Variants in ADAM12 observed in about 807,000 individuals in gnomAD.
The protein encoded by ADAM12 is disintegrin and metalloproteinase domain-containing protein 12.
Under a neutral mutation model 106.4 loss-of-function variants are expected in ADAM12, and 70 were observed. The ratio of observed to expected loss-of-function variants is 0.66; its 90% confidence interval spans 0.54 to 0.80. The LOEUF is 0.80. Ranked by LOEUF, ADAM12 falls within the 30% of genes least tolerant of loss-of-function variation. The pLI, the probability that ADAM12 is intolerant of heterozygous loss-of-function variation, is 0.00. For missense variants in ADAM12, 1,010 were observed against 1,171.9 expected, an observed-to-expected ratio of 0.86 and a Z score of 2.02; for synonymous variants, 420 against 433.5, an observed-to-expected ratio of 0.97 and a Z score of 0.39.
intron 6 of ADAM12, among the ~76,000 whole-genome samples, chr10:126,110,889 T>A (rs527710439): frequency 2.8e-4 from 43 of 152,334 alleles, no homozygotes; most frequent in African/African-American, 1.0e-3. Context: ...TGGTCTTTGG[T>A]CCTGATGACT....
intron 1 of ADAM12, among the ~76,000 whole-genome samples, chr10:126,342,450 T>C (rs142167183): frequency 0.01 from 1,532 of 152,346 alleles, 26 homozygotes; most frequent in African/African-American, 0.035. Flanking sequence ...ATTAGGCATA[T>C]AGATTGACCC....
intron 11 of ADAM12, among the ~76,000 whole-genome samples, chr10:126,078,050 A>G (rs2133518204): frequency 6.6e-6 from 1 of 152,342 alleles, no homozygotes; most frequent in East Asian, 1.9e-4. Context: ...TGGTAACACC[A>G]TCTTAATCCA....
At chr10:126,255,455 C>T (rs1424586675) in intron 3 of ADAM12, among the ~76,000 whole-genome samples, 2 of 152,172 alleles carry the variant, frequency 1.3e-5, no homozygotes, top group Admixed American at 1.3e-4. Flanking sequence ...TAGAACGCAG[C>T]CCCTTCATGG....
At chr10:126,254,182 G>A (rs1222349045) in intron 3 of ADAM12, among the ~76,000 whole-genome samples, 4 of 152,148 alleles carry the variant, frequency 2.6e-5, no homozygotes, top group Admixed American at 1.3e-4. Context: ...TGTAGCTTGG[G>A]GTCTGCAGGC....
chr10:126,068,037 T>C (rs1954908126), intron 12 of ADAM12, among the ~76,000 whole-genome samples: 1 of 152,186 alleles, frequency 6.6e-6, no homozygotes, highest in Admixed American at 6.5e-5. Flanking sequence ...CTTCCAAAGT[T>C]ATTAAATTTT....
At chr10:126,377,521 C>T (rs1441759554) in intron 1 of ADAM12, among the ~76,000 whole-genome samples, 2 of 152,072 alleles carry the variant, frequency 1.3e-5, no homozygotes, top group Admixed American at 6.5e-5. Context: ...TTAGATGAAG[C>T]CCATCCAGAT....
rs577325830 is a variant in ADAM12 at position 126,368,363 on chromosome 10, T to G, written c.88+19695A>C. ...GCTTAGATTGTGTGATTTGTTTTTT[T>G]TTTTTTTTTTTTTACAAAGGACTGA... On this transcript the variant is annotated intron_variant, in intron 1 of 22. Transcript: ENST00000448723. Among the ~76,000 whole-genome samples, 351 of 151,162 alleles carry G rather than the reference T, an allele frequency of 2.3e-3. 4 individuals carry two copies. The highest frequency in any genetic ancestry group is 8.1e-3 in the African/African-American group (335 of 41,340).
At chr10:126,086,680 A>AAAAAAT (rs1554966976) in intron 11 of ADAM12, among the ~76,000 whole-genome samples, 2 of 24,274 alleles carry the variant, frequency 8.2e-5, no homozygotes, top group Non-Finnish European at 1.2e-4. Context: ...AAAAAAAAAA[A>AAAAAAT]ATATATATAT....
chr10:126,124,605 A>G (rs1362528683), intron 5 of ADAM12, among the ~76,000 whole-genome samples: 1 of 152,112 alleles, frequency 6.6e-6, no homozygotes, highest in East Asian at 1.9e-4. Flanking sequence ...AATAGTTATT[A>G]CCAAGGGCTG....
chr10:126,178,044 C>T (rs1197328887), intron 3 of ADAM12, among the ~76,000 whole-genome samples: 4 of 152,026 alleles, frequency 2.6e-5, no homozygotes, highest in South Asian at 2.1e-4. Flanking sequence ...AAACAGTAAC[C>T]GGGAAAGTTT....
At position 126,373,562 on chromosome 10, in the gene ADAM12, G is replaced by A. The variant is rs1324573261; in HGVS notation, c.88+14496C>T. Among the ~76,000 whole-genome samples, 4 of 152,166 alleles carry A rather than the reference G, an allele frequency of 2.6e-5. 1 individual carries two copies. In the South Asian group the frequency reaches 8.3e-4, roughly 32 times the overall value. On this transcript the variant is annotated intron_variant, in intron 1 of 22. Coordinates refer to ENST00000448723, the MANE Select transcript of ADAM12 (RefSeq NM_001288973.2). ...ACTCGCTCTAGAGGCCATGAAATGA[G>A]GGTGTCTGTTCTTCTCAACACTGTA... is the stretch of plus-strand genomic sequence containing the variant.
chr10:126,133,653 T>TG (rs373206703), intron 5 of ADAM12, among the ~76,000 whole-genome samples: 75 of 143,384 alleles, frequency 5.2e-4, no homozygotes, highest in African/African-American at 1.9e-3. Flanking sequence ...CACCCATCAC[T>TG]GGGGGGGAGG....
At chr10:126,206,860 C>G (rs12573719) in intron 3 of ADAM12, among the ~76,000 whole-genome samples, 61,047 of 88,998 alleles carry the variant, frequency 0.69, 21,914 homozygotes, top group Non-Finnish European at 0.78. Flanking sequence ...GTTGTGGGGG[C>G]GGGGGGGAGC....
chr10:126,216,538 A>G (rs1019428603), intron 3 of ADAM12, among the ~76,000 whole-genome samples: 8 of 152,194 alleles, frequency 5.3e-5, no homozygotes, highest in African/African-American at 1.9e-4. Context: ...TTTCAGCCTC[A>G]AGAAACTGTT....
chr10:126,267,940 G>C (rs1450727440), intron 3 of ADAM12, among the ~76,000 whole-genome samples: 1 of 152,202 alleles, frequency 6.6e-6, no homozygotes, highest in Non-Finnish European at 1.5e-5. Flanking sequence ...CAGGAGCCCA[G>C]CTTTGTTTTT....
At chr10:126,068,996 G>A (rs141962143) in intron 12 of ADAM12, among the ~76,000 whole-genome samples, 2,983 of 152,190 alleles carry the variant, frequency 0.02, 40 homozygotes, top group Middle Eastern at 0.031. Flanking sequence ...GTTGTTTTTC[G>A]GATCCCATTT....
At chr10:126,254,140 G>A (rs1238187297) in intron 3 of ADAM12, among the ~76,000 whole-genome samples, 2 of 152,158 alleles carry the variant, frequency 1.3e-5, no homozygotes, top group African/African-American at 4.8e-5. Flanking sequence ...GGCTCCGGAG[G>A]TGTGTTCAGC....
intron 3 of ADAM12, among the ~76,000 whole-genome samples, chr10:126,223,437 C>T (rs1958133239): frequency 6.6e-6 from 1 of 152,184 alleles, no homozygotes; most frequent in Admixed American, 6.5e-5. Flanking sequence ...CTTTGCCATA[C>T]ATAACACACA....
chr10:126,033,180 A>G (rs1044627364), intron 21 of ADAM12, among the ~76,000 whole-genome samples: 4 of 152,170 alleles, frequency 2.6e-5, no homozygotes, highest in Non-Finnish European at 4.4e-5. Context: ...CTCATTCAGT[A>G]ATGTCACACT....
Sources: gnomAD v4.1 joint callset for allele counts (sites outside exome capture counted in the v4.1 genomes callset) on GRCh38, gnomAD v4.1.1 for gene constraint, MANE v1.5 for transcripts, NCBI Gene and HGNC (gene_info 2026-07-23, HGNC 2026-07-21) for gene names.